VPS51: variants seen among roughly 807,000 people sequenced by gnomAD.
VPS51 encodes the protein vacuolar protein sorting-associated protein 51 homolog.
Under a neutral mutation model 65.1 loss-of-function variants are expected in VPS51, and 55 were observed. The ratio of observed to expected loss-of-function variants is 0.84; its 90% confidence interval spans 0.68 to 1.06. VPS51 has a LOEUF of 1.06. Ranked by LOEUF, VPS51 falls within the 50% of genes least tolerant of loss-of-function variation. The pLI is 0.00. For missense variants in VPS51, 943 were observed against 1,101.6 expected, an observed-to-expected ratio of 0.86 and a Z score of 2.04; for synonymous variants, 473 against 489.5, an observed-to-expected ratio of 0.97 and a Z score of 0.44.
chr11:65,096,917 C>T, intron 1 of VPS51, 81 bp from the exon 2 acceptor site: 1 of 1,572,976 alleles, frequency 6.4e-7, no homozygotes. Context: ...GATTTCTTGC[C>T]CTGAAAGCCT....
intron 2 of VPS51, among the ~76,000 whole-genome samples, chr11:65,100,358 C>T (rs1947799852): frequency 6.6e-6 from 1 of 152,080 alleles, no homozygotes; most frequent in South Asian, 2.1e-4. Context: ...TAGGGAAATG[C>T]AAATCCAAAC....
intron 1 of VPS51, 146 bp from the exon 2 acceptor site, chr11:65,096,852 C>T: frequency 1.5e-6 from 2 of 1,295,066 alleles, no homozygotes; most frequent in Non-Finnish European, 2.1e-6. Flanking sequence ...CTTAGGGCCC[C>T]CTGCCTGGGA....
intron 1 of VPS51, 186 bp from the exon 2 acceptor site, chr11:65,096,812 G>A: frequency 1.2e-6 from 1 of 857,620 alleles, no homozygotes. Flanking sequence ...ACCAAACACG[G>A]TTGAACCTAG....
In VPS51 at chr11:65,111,327, G is replaced by C; in HGVS notation, c.2089G>C (p.Val697Leu). 6.2e-7 allele frequency: 1 copy of C among 1,602,566 alleles called. No homozygotes were observed. The highest frequency in any genetic ancestry group is 8.5e-7 in the Non-Finnish European group (1 of 1,179,650). Residue 697 changes from valine (V) to leucine (L), a missense_variant and splice_region_variant, in exon 10 of 10, where the codon GTG becomes CTG. By Grantham distance (32) the Val-to-Leu change is conservative. Transcript: ENST00000279281. ...TGCATCCCTGTGTCCCTGCCTGCAG[G>C]TGTCGGTGCTGACCGGCATCATCAA... is the stretch of plus-strand genomic sequence containing the variant. ...DVFSPVEFNK[V>L]SVLTGIIKIS...
At chr11:65,109,520 C>A (rs761319583) in intron 6 of VPS51, 25 bp downstream of exon 6, 37 of 1,602,032 alleles carry the variant, frequency 2.3e-5, no homozygotes, top group Non-Finnish European at 3.1e-5. Context: ...CCTAGCCGGG[C>A]AGGGAATGGT....
chr11:65,096,266 G>A lies in VPS51; in HGVS notation c.16G>A (p.Ala6Thr), dbSNP rs1194073035. The A allele has an allele frequency of 1.3e-6, 2 of 1,518,630 alleles. No homozygotes were observed. The allele number at this position is 1,518,630 out of a possible 1,614,324, so 94.1% of individuals were successfully genotyped here. A position where few individuals can be genotyped will look rare whatever the true frequency, so the allele number is the denominator to read the frequency against. Residue 6 changes from alanine to threonine, a missense_variant, in exon 1 of 10, where the codon GCC becomes ACC. Physicochemically the swap from Ala to Thr is moderately conservative, Grantham distance 58. Around this residue, in one of 2 missense-constraint regions of VPS51, gnomAD observed 855 missense variants for 953.7 expected, o/e 0.90. Coordinates refer to ENST00000279281, the MANE Select transcript of VPS51 (RefSeq NM_013265.4). MAAAA[A>T]AGPSPGSGPG... ...AGTTGGAACGATGGCGGCGGCAGCT[G>A]CCGCCGGGCCTAGCCCGGGGTCTGG... is the stretch of plus-strand genomic sequence containing the variant.
chr11:65,098,141 A>C (rs1241038241), intron 2 of VPS51, among the ~76,000 whole-genome samples: 1 of 152,108 alleles, frequency 6.6e-6, no homozygotes, highest in African/African-American at 2.4e-5. Flanking sequence ...AGATCACGTC[A>C]CTGCACTCCA....
At position 65,096,432 on chromosome 11, in the gene VPS51, C is replaced by T. The variant is rs1283552589; in HGVS notation, c.182C>T (p.Thr61Ile). The change falls in exon 1 of 10, where the codon ACT becomes ATT. Residue 61 changes from threonine to isoleucine, a missense_variant. By Grantham distance (89) the Thr-to-Ile change is moderately conservative. This residue lies in a region of VPS51 where 855 missense variants were observed against 953.7 expected (regional missense o/e 0.90). Coordinates refer to ENST00000279281, the MANE Select transcript of VPS51 (RefSeq NM_013265.4). ...GCGGGGCCCGACCCCCTGGACCCGA[C>T]TGATCTGAACGGGGCGCACTTCGAC... ...RPAGPDPLDP[T>I]DLNGAHFDPE... 1 of 1,518,828 alleles carries T rather than the reference C, an allele frequency of 6.6e-7. No homozygotes were observed. 94.1% of individuals were successfully genotyped at this position (1,518,828 alleles called of 1,614,324 possible).
chr11:65,109,265 C>T lies in VPS51; in HGVS notation c.1444-15C>T, dbSNP rs1565316099. On this transcript the variant is annotated splice_polypyrimidine_tract_variant and intron_variant, in intron 5 of 9. Coordinates refer to ENST00000279281, the MANE Select transcript of VPS51 (RefSeq NM_013265.4). The stretch of plus-strand genomic sequence containing the variant: ...AGAGGGGACCTGCTGTGGACCTGGG[C>T]ACCTTCTCTTGCAGGGTGAGTTCTG... 6.2e-7 allele frequency: 1 copy of T among 1,605,080 alleles called. No homozygotes were observed. Among genetic ancestry groups the T allele is most frequent in the Non-Finnish European group, 8.5e-7 (1 of 1,174,868 alleles).
intron 6 of VPS51, 42 bp from the exon 7 acceptor site, chr11:65,109,663 C>G (rs376956226): frequency 2.0e-6 from 3 of 1,532,340 alleles, no homozygotes; most frequent in Non-Finnish European, 1.8e-6. Context: ...TGAGCTGCCC[C>G]CACCATACCC....
Position 65,109,733 on chromosome 11 carries a change from C to T in VPS51, c.1688C>T (p.Thr563Met), listed in dbSNP as rs747378351. ...CAGTTCCCAGTGACGCCCGTGAGCA[C>T]GCTGTGTGCAGAGGCCAGGGAAACG... ...QDQFPVTPVS[T>M]LCAEARETAR... Residue 563 changes from threonine to methionine, a missense_variant, in exon 7 of 10, where the codon ACG becomes ATG. Thr to Met is a moderately conservative substitution (Grantham distance 81, BLOSUM62 -1). Coordinates refer to ENST00000279281, the MANE Select transcript of VPS51 (RefSeq NM_013265.4). 2.2e-5 allele frequency: 35 copies of T among 1,585,152 alleles called. 2 individuals carry two copies. The South Asian group carries it at 2.5e-4, about 11-fold the overall frequency.
In VPS51 at chr11:65,111,360, C is replaced by G. The variant is rs1947899664; in HGVS notation, c.2122C>G (p.Leu708Val). 1 of 1,608,714 alleles carries G rather than the reference C, an allele frequency of 6.2e-7. No homozygotes were observed. Among genetic ancestry groups the G allele is most frequent in the Non-Finnish European group, 8.5e-7 (1 of 1,179,822 alleles). ...GCTGACCGGCATCATCAAGATCAGC[C>G]TGAAGACGCTGCTGGAGTGTGTGCG... The part of the protein sequence containing the change: ...SVLTGIIKIS[L>V]KTLLECVRLR... The change falls in exon 10 of 10, where the codon CTG becomes GTG. Residue 708 changes from leucine (L) to valine (V), a missense_variant. Transcript: ENST00000279281.
At chr11:65,109,598 A>G in intron 6 of VPS51, 103 bp downstream of exon 6, 1 of 1,521,596 alleles carries the variant, frequency 6.6e-7, no homozygotes, top group African/African-American at 1.4e-5. Flanking sequence ...GCCTGTGTGT[A>G]CCCCAGCCTC....
Position 65,107,564 on chromosome 11 carries a change from C to G in VPS51, c.359-17C>G, listed in dbSNP as rs564127198. ...CAGTCACCTGCTCTCCCCTTTTCCC[C>G]GCCCCTGCCCTCCTAGACACCATCC... On this transcript the variant is annotated splice_polypyrimidine_tract_variant and intron_variant, in intron 2 of 9. Transcript: ENST00000279281. The surrounding 1 kb of genome is among the most constrained non-coding windows in gnomAD (Gnocchi z 4.0). 3 of 1,565,464 alleles carry G rather than the reference C, an allele frequency of 1.9e-6. No homozygotes were observed. The highest frequency in any genetic ancestry group is 1.7e-4 in the Middle Eastern group (1 of 5,850).
intron 7 of VPS51, 34 bp downstream of exon 7, chr11:65,109,957 C>T: frequency 1.3e-6 from 2 of 1,551,560 alleles, no homozygotes; most frequent in South Asian, 1.2e-5. Flanking sequence ...AGCCCTGACG[C>T]AGGCTGGGGG....
chr11:65,111,338 G>T lies in VPS51; in HGVS notation c.2100G>T (p.Leu700=). ...SPVEFNKVSV[L]TGIIKISLKT... is the part of the protein sequence containing the mutation. ...GTCCCTGCCTGCAGGTGTCGGTGCT[G>T]ACCGGCATCATCAAGATCAGCCTGA... Residue 700 remains leucine, a synonymous_variant, in exon 10 of 10, where the codon CTG becomes CTT. Transcript: ENST00000279281. 6.2e-7 allele frequency: 1 copy of T among 1,604,194 alleles called. No homozygotes were observed. Among genetic ancestry groups the T allele is most frequent in the South Asian group, 1.1e-5 (1 of 91,052 alleles).
chr11:65,111,283 ACACCTGCAGTC>A, intron 9 of VPS51, 33 bp from the exon 10 acceptor site: 1 of 1,598,454 alleles, frequency 6.3e-7, no homozygotes, highest in African/African-American at 1.3e-5. Context: ...TCCCCCACAC[ACACCTGCAGTC>A]CCCAAGCTGC....
intron 2 of VPS51, among the ~76,000 whole-genome samples, chr11:65,106,851 CAGG>C (rs1009556655): frequency 5.9e-5 from 9 of 151,798 alleles, no homozygotes; most frequent in South Asian, 2.1e-4. Context: ...AAGGAGGTGA[CAGG>C]AGGAGGAGAA....
At position 65,108,233 on chromosome 11, in the gene VPS51, C is replaced by T. The variant is rs767180580; in HGVS notation, c.762C>T (p.Cys254=). 9.4e-6 allele frequency: 15 copies of T among 1,599,730 alleles called. No homozygotes were observed. In the East Asian group the frequency reaches 2.0e-4, roughly 22 times the overall value. The change falls in exon 5 of 10, where the codon TGC becomes TGT. Residue 254 remains cysteine (C), a synonymous_variant. Transcript: ENST00000279281. ...GGSGAPEQAE[C]VELLLALGEP... The stretch of plus-strand genomic sequence containing the variant: ...CAGGCGCCCCGGAGCAGGCAGAGTG[C>T]GTGGAGCTGCTGCTGGCCCTGGGCG...
Sources: gnomAD v4.1 joint callset for allele counts (sites outside exome capture counted in the v4.1 genomes callset) on GRCh38, gnomAD v4.1.1 for gene constraint, gnomAD v4.1.1 regional missense constraint, Gnocchi (gnomAD v3.1) non-coding constraint, MANE v1.5 for transcripts, NCBI Gene and HGNC (gene_info 2026-07-23, HGNC 2026-07-21) for gene names.